SETBP1: variants seen among roughly 807,000 people sequenced by gnomAD.
The protein encoded by SETBP1 is SET-binding protein.
A neutral mutation model predicts 101.0 loss-of-function variants in SETBP1; 9 were observed. That is an observed-to-expected ratio of 0.09 (90% CI 0.05 to 0.16). SETBP1 has a LOEUF of 0.16. SETBP1 is among the 10% of genes least tolerant of loss of function. SETBP1 has a pLI of 1.00. For missense variants in SETBP1, 1,858 were observed against 2,033.8 expected (o/e 0.91, Z 1.66); for synonymous variants, 818 against 788.5 (o/e 1.04, Z -0.63).
At chr18:44,887,942 T>C (rs2144767914) in intron 3 of SETBP1, among the ~76,000 whole-genome samples, 1 of 152,092 alleles carries the variant, frequency 6.6e-6, no homozygotes, top group East Asian at 1.9e-4. Context: ...GAGGGCTCAG[T>C]GGGAGGCAGA....
At chr18:45,043,084 A>G (rs2073541212) in intron 5 of SETBP1, among the ~76,000 whole-genome samples, 1 of 152,248 alleles carries the variant, frequency 6.6e-6, no homozygotes, top group Admixed American at 6.5e-5. Flanking sequence ...ATCATATCAG[A>G]TAATCCATAC....
Position 44,950,022 on chromosome 18 carries a change from A to C in SETBP1, c.682A>C (p.Ser228Arg). The C allele has an allele frequency of 6.2e-7, 1 of 1,614,216 alleles. No homozygotes were observed. The highest frequency in any genetic ancestry group is 8.5e-7 in the Non-Finnish European group (1 of 1,180,020). Residue 228 changes from serine (S) to arginine (R), a missense_variant, in exon 4 of 6, where the codon AGC becomes CGC. Around this residue, in one of 12 missense-constraint regions of SETBP1, gnomAD observed 581 missense variants for 535.1 expected, o/e 1.09. Transcript: ENST00000649279. ...NHMDWSTNSD[S>R]GPVTQNCFIS... is the part of the protein sequence containing the mutation. Reference sequence around the variant, plus strand: ...CATGGACTGGTCCACCAACTCTGACAGCGGACCCGTCACTCAGAATTGCTT... The same window carrying C: ...CATGGACTGGTCCACCAACTCTGACCGCGGACCCGTCACTCAGAATTGCTT...
At chr18:44,684,868 A>G (rs190754633) in intron 1 of SETBP1, among the ~76,000 whole-genome samples, 2 of 152,098 alleles carry the variant, frequency 1.3e-5, no homozygotes, top group Admixed American at 1.3e-4. Context: ...GCTGCTCTTG[A>G]ACTCCGGACA....
chr18:44,949,707 A>G (rs1279641255), intron 3 of SETBP1, among the ~76,000 whole-genome samples, 174 bp from the exon 4 acceptor site: 1 of 152,250 alleles, frequency 6.6e-6, no homozygotes, highest in Non-Finnish European at 1.5e-5. Context: ...TACTACTGCA[A>G]TTGAGAAAAC....
intron 2 of SETBP1, among the ~76,000 whole-genome samples, chr18:44,801,860 C>G (rs551864586): frequency 1.3e-5 from 2 of 150,588 alleles, no homozygotes; most frequent in Admixed American, 1.3e-4. Context: ...TTAAATTGTT[C>G]CTTTTCCAAG....
At chr18:44,925,279 G>A (rs961356422) in intron 3 of SETBP1, among the ~76,000 whole-genome samples, 5 of 151,526 alleles carry the variant, frequency 3.3e-5, no homozygotes, top group Admixed American at 1.3e-4. Flanking sequence ...TCATTTCCCC[G>A]TATAAATACA....
chr18:44,957,827 AAGAAG>A (rs2071524259), intron 4 of SETBP1, among the ~76,000 whole-genome samples: 1 of 152,240 alleles, frequency 6.6e-6, no homozygotes, highest in African/African-American at 2.4e-5. Context: ...GAATAAAAGG[AAGAAG>A]AGGACTAATG....
intron 2 of SETBP1, among the ~76,000 whole-genome samples, chr18:44,798,853 C>G (rs1263846591): frequency 6.6e-6 from 1 of 152,186 alleles, no homozygotes; most frequent in African/African-American, 2.4e-5. Context: ...GAGACCTGAA[C>G]AAACATTATG....
intron 4 of SETBP1, among the ~76,000 whole-genome samples, chr18:44,995,433 G>A (rs185467130): frequency 2.0e-4 from 30 of 152,016 alleles, no homozygotes; most frequent in African/African-American, 6.0e-4. Flanking sequence ...GAGCCACTGC[G>A]CCCAGTCATT....
At chr18:44,954,662 T>C (rs186957189) in intron 4 of SETBP1, among the ~76,000 whole-genome samples, 19 of 152,322 alleles carry the variant, frequency 1.2e-4, no homozygotes, top group African/African-American at 4.3e-4. Context: ...TGGTAGATGT[T>C]CTCCTTGGTT....
intron 3 of SETBP1, among the ~76,000 whole-genome samples, chr18:44,936,624 G>A (rs2070963622): frequency 2.0e-5 from 3 of 152,196 alleles, no homozygotes; most frequent in Non-Finnish European, 2.9e-5. Context: ...GTGCTGGGAA[G>A]TCTCTTCTAG....
chr18:45,051,641 T>A (rs557693345), intron 5 of SETBP1, among the ~76,000 whole-genome samples: 30 of 152,336 alleles, frequency 2.0e-4, no homozygotes, highest in African/African-American at 7.0e-4. Flanking sequence ...CTCCCTCTAA[T>A]GTATAATATG....
At chr18:44,777,997 C>A (rs1280025201) in intron 2 of SETBP1, among the ~76,000 whole-genome samples, 2 of 152,156 alleles carry the variant, frequency 1.3e-5, no homozygotes, top group Admixed American at 1.3e-4. Flanking sequence ...CTGACAGATT[C>A]CCTGGGGCAT....
At chr18:44,907,102 C>A (rs1023730534) in intron 3 of SETBP1, among the ~76,000 whole-genome samples, 1 of 152,152 alleles carries the variant, frequency 6.6e-6, no homozygotes, top group African/African-American at 2.4e-5. Context: ...TGTAATCAAA[C>A]AATAGGTGGC....
chr18:44,801,927 A>G (rs979137629), intron 2 of SETBP1, among the ~76,000 whole-genome samples: 5 of 152,114 alleles, frequency 3.3e-5, no homozygotes, highest in Admixed American at 6.5e-5. Context: ...GCCACTGGAA[A>G]TGATCCATTT....
intron 2 of SETBP1, among the ~76,000 whole-genome samples, chr18:44,852,942 A>C (rs1281161724): frequency 6.6e-6 from 1 of 152,212 alleles, no homozygotes; most frequent in Non-Finnish European, 1.5e-5. Flanking sequence ...GCCTTGGCTA[A>C]ATTGCAAGGC....
intron 3 of SETBP1, among the ~76,000 whole-genome samples, chr18:44,939,649 T>C (rs1213137979): frequency 1.3e-5 from 2 of 152,224 alleles, no homozygotes; most frequent in Non-Finnish European, 2.9e-5. Flanking sequence ...AAAGTGATTT[T>C]TACTGTTTTA....
At chr18:44,959,370 A>T (rs2071562023) in intron 4 of SETBP1, among the ~76,000 whole-genome samples, 1 of 152,236 alleles carries the variant, frequency 6.6e-6, no homozygotes, top group Non-Finnish European at 1.5e-5. Flanking sequence ...TACTTTTAAA[A>T]TTGTGGCCTA....
chr18:44,927,365 G>C (rs1354284404), intron 3 of SETBP1, among the ~76,000 whole-genome samples: 1 of 152,130 alleles, frequency 6.6e-6, no homozygotes, highest in East Asian at 1.9e-4. Flanking sequence ...TTGAAAATAT[G>C]TGATTCATCT....
Sources: gnomAD v4.1 joint callset for allele counts (sites outside exome capture counted in the v4.1 genomes callset) on GRCh38, gnomAD v4.1.1 for gene constraint, gnomAD v4.1.1 regional missense constraint, MANE v1.5 for transcripts, NCBI Gene and HGNC (gene_info 2026-07-23, HGNC 2026-07-21) for gene names.